Variants in AKR7A2 observed in about 807,000 individuals in gnomAD.
AKR7A2 encodes aflatoxin B1 aldehyde reductase member 2.
AKR7A2 carries 29 observed loss-of-function variants against 37.3 expected under a neutral mutation model. That is an observed-to-expected ratio of 0.78 (90% CI 0.58 to 1.06). AKR7A2 has a LOEUF of 1.06. Ranked by LOEUF, AKR7A2 falls within the 50% of genes least tolerant of loss-of-function variation. The pLI is 0.00. For missense variants in AKR7A2, 529 were observed against 497.9 expected, an observed-to-expected ratio of 1.06 and a Z score of -0.59; for synonymous variants, 228 against 217.8, an observed-to-expected ratio of 1.05 and a Z score of -0.41.
chr1:19,303,982 A>G lies in AKR7A2; in HGVS notation c.*243T>C, dbSNP rs1360628647. On this transcript the variant is annotated 3_prime_UTR_variant, in exon 7 of 7. Transcript: ENST00000235835. ...AAAGCAAGTTTTTGGGGTTCACTCA[A>G]GACCTAGGCTACAGCCAGGTCAAGT... 3.3e-6 allele frequency: 2 copies of G among 615,336 alleles called. No homozygotes were observed. Among genetic ancestry groups the G allele is most frequent in the African/African-American group, 3.7e-5 (2 of 54,012 alleles). The allele number at this position is 615,336 out of a possible 1,614,324, so 38.1% of individuals were successfully genotyped here. A position where few individuals can be genotyped will look rare whatever the true frequency, so the allele number is the denominator to read the frequency against.
In AKR7A2 at chr1:19,308,138, T is replaced by A. The variant is rs757810257; in HGVS notation, c.591+20A>T. 1.2e-6 allele frequency: 2 copies of A among 1,613,900 alleles called. No individual in the cohort carries two copies. Among genetic ancestry groups the A allele is most frequent in the East Asian group, 4.5e-5 (2 of 44,880 alleles). On this transcript the variant is annotated intron_variant, in intron 3 of 6. Coordinates refer to ENST00000235835, the MANE Select transcript of AKR7A2 (RefSeq NM_003689.4). Reference sequence around the variant, plus strand: ...AGCAGGAGTCCTGGAGACCTTGGCCTCTGCAGCCCCGGCCCTCACCTGGTA... The same window carrying A: ...AGCAGGAGTCCTGGAGACCTTGGCCACTGCAGCCCCGGCCCTCACCTGGTA...
chr1:19,311,664 C>G (rs1316104938), intron 1 of AKR7A2, among the ~76,000 whole-genome samples, 163 bp downstream of exon 1: 1 of 152,058 alleles, frequency 6.6e-6, no homozygotes, highest in African/African-American at 2.4e-5. Flanking sequence ...AAAGCACTGT[C>G]TAGTTGTCCC....
chr1:19,311,740 C>G (rs1389479315), intron 1 of AKR7A2, 87 bp downstream of exon 1: 2 of 1,559,888 alleles, frequency 1.3e-6, no homozygotes, highest in East Asian at 2.3e-5. Context: ...CGGTGCTGCC[C>G]GCGGCCGGGC....
At chr1:19,308,024 T>C in intron 3 of AKR7A2, 134 bp downstream of exon 3, 3 of 1,148,980 alleles carry the variant, frequency 2.6e-6, no homozygotes, top group Admixed American at 1.9e-5. Context: ...TGAGGGTACA[T>C]GGGAGCCATC....
rs1271942914 is a variant in AKR7A2 at position 19,306,013 on chromosome 1, G to A, written c.918+5C>T. On this transcript the variant is annotated splice_donor_5th_base_variant and intron_variant, in intron 6 of 6. Transcript: ENST00000235835. ...AGAAGCTGAGCACCCAGGGTCGCTG[G>A]TTACCTGCAGCTGTGAGTGGTGGTA... 9.3e-6 allele frequency: 15 copies of A among 1,613,732 alleles called. No homozygotes were observed. The highest frequency in any genetic ancestry group is 1.3e-5 in the Non-Finnish European group (15 of 1,179,908).
At chr1:19,310,731 C>T (rs1316013422) in intron 1 of AKR7A2, among the ~76,000 whole-genome samples, 1 of 151,384 alleles carries the variant, frequency 6.6e-6, no homozygotes, top group Non-Finnish European at 1.5e-5. Context: ...ACAGCGTGGG[C>T]CTGAGATTCA....
Position 19,311,973 on chromosome 1 carries a change from A to C in AKR7A2, c.152T>G (p.Met51Arg), listed in dbSNP as rs2151991841. Residue 51 changes from methionine to arginine, a missense_variant, in exon 1 of 7, where the codon ATG becomes AGG. Physicochemically the swap from Met to Arg is moderately conservative, Grantham distance 91 (BLOSUM62 -1). Transcript: ENST00000235835. ...VLGTMEMGRR[M>R]DAPASAAAVR... ...GGCCGCGGCGCTGGCGGGCGCGTCC[A>C]TGCGGCGCCCCATCTCCATGGTGCC... 1 of 1,563,290 alleles carries C rather than the reference A, an allele frequency of 6.4e-7. No homozygotes were observed. The highest frequency in any genetic ancestry group is 8.7e-7 in the Non-Finnish European group (1 of 1,155,758).
chr1:19,310,633 T>C (rs2016790), intron 1 of AKR7A2, among the ~76,000 whole-genome samples: 70,307 of 151,886 alleles, frequency 0.46, 16,764 homozygotes, highest in South Asian at 0.61. Context: ...GATCGTGCCA[T>C]TGCACTCCAC....
Sources: allele counts gnomAD v4.1 joint callset (sites outside exome capture counted in the v4.1 genomes callset), GRCh38; gene constraint gnomAD v4.1.1; transcripts MANE v1.5; gene names NCBI Gene and HGNC (gene_info 2026-07-23, HGNC 2026-07-21).